PYHIN1: variants seen among roughly 807,000 people sequenced by gnomAD.
PYHIN1 encodes the protein pyrin and HIN domain family member 1.
PYHIN1 carries 32 observed loss-of-function variants against 43.7 expected under a neutral mutation model. The observed-to-expected ratio is 0.73, with a 90% CI of 0.55 to 0.98. The LOEUF (loss-of-function observed/expected upper bound fraction) is 0.98, where lower values mean the gene tolerates loss of function less well. Among genes scored for constraint, PYHIN1 ranks in the 50% least tolerant of loss-of-function variants. The pLI, the probability that PYHIN1 is intolerant of heterozygous loss-of-function variation, is 0.00. For synonymous variants in PYHIN1, 205 were observed against 203.1 expected, an observed-to-expected ratio of 1.01 and a Z score of -0.08; for missense variants, 588 against 589.5, an observed-to-expected ratio of 1.00 and a Z score of 0.03.
chr1:158,947,449 G>T (rs563858126), intron 7 of PYHIN1, among the ~76,000 whole-genome samples: 25 of 152,294 alleles, frequency 1.6e-4, no homozygotes, highest in Non-Finnish European at 3.5e-4. Context: ...CAAATCAGAA[G>T]CTTTGACAAA....
intron 2 of PYHIN1, 96 bp from the exon 3 acceptor site, chr1:158,938,301 C>A: frequency 7.5e-7 from 1 of 1,340,516 alleles, no homozygotes; most frequent in South Asian, 1.3e-5. Flanking sequence ...CACCTGAACC[C>A]TCAAGCAGGA....
In PYHIN1 at chr1:158,933,391, A is replaced by G. The variant is rs921760048; in HGVS notation, c.-21+1615A>G. 6.6e-6 allele frequency among the ~76,000 whole-genome samples: 1 copy of G among 151,822 alleles called. No individual in the cohort carries two copies. The highest frequency in any genetic ancestry group is 1.5e-5 in the Non-Finnish European group (1 of 67,852). On this transcript the variant is annotated intron_variant, in intron 1 of 8. Coordinates refer to ENST00000368140, the MANE Select transcript of PYHIN1 (RefSeq NM_152501.5). This position sits in a 1 kb window ranked among gnomAD's most constrained non-coding sequence, Gnocchi z 6.3. ...ATAATTTAAATTATTGTATCTTCCCAGGAATTCAACCTTTTACCATGTGGT... is the reference window on the plus strand; with the variant it reads ...ATAATTTAAATTATTGTATCTTCCCGGGAATTCAACCTTTTACCATGTGGT...
At chr1:158,968,509 G>A (rs1338831773) in intron 7 of PYHIN1, among the ~76,000 whole-genome samples, 1 of 152,002 alleles carries the variant, frequency 6.6e-6, no homozygotes, top group Non-Finnish European at 1.5e-5. Context: ...GTGTTAATTA[G>A]TTCAGCCATT....
At chr1:158,957,057 G>T (rs1262908777) in intron 7 of PYHIN1, among the ~76,000 whole-genome samples, 1 of 147,756 alleles carries the variant, frequency 6.8e-6, no homozygotes, top group African/African-American at 2.5e-5. Flanking sequence ...GGGATGTGAA[G>T]GACCTCTTCA....
At chr1:158,954,677 G>A (rs1405272386) in intron 7 of PYHIN1, among the ~76,000 whole-genome samples, 1 of 147,774 alleles carries the variant, frequency 6.8e-6, no homozygotes, top group African/African-American at 2.5e-5. Flanking sequence ...TCGAGACTAG[G>A]AAGAAACTGC....
intron 1 of PYHIN1, 120 bp downstream of exon 1, chr1:158,931,896 G>A (rs933515991): frequency 1.3e-5 from 2 of 152,132 alleles, no homozygotes; most frequent in East Asian, 1.9e-4. Flanking sequence ...AGTAGGGCTG[G>A]TATCAACTAT....
intron 7 of PYHIN1, among the ~76,000 whole-genome samples, chr1:158,951,729 A>G (rs1321055298): frequency 6.6e-6 from 1 of 151,964 alleles, no homozygotes; most frequent in Non-Finnish European, 1.5e-5. Flanking sequence ...AGTATCATCC[A>G]TAAAATGAAT....
At chr1:158,985,599 T>A in the PYHIN1 span, among the ~76,000 whole-genome samples, 1 of 152,216 alleles carries the variant, frequency 6.6e-6, no homozygotes, top group African/African-American at 2.4e-5. Flanking sequence ...TTATTTACCT[T>A]GATCTTGGAG....
chr1:158,975,064 CT>C (rs1234190745), intron 8 of PYHIN1, among the ~76,000 whole-genome samples: 8 of 151,920 alleles, frequency 5.3e-5, no homozygotes, highest in Non-Finnish European at 1.2e-4. Context: ...GCCCAGGAAT[CT>C]CAGCTAGGGT....
the PYHIN1 span, among the ~76,000 whole-genome samples, chr1:158,987,182 A>C: frequency 6.6e-6 from 1 of 152,230 alleles, no homozygotes; most frequent in South Asian, 2.1e-4. Context: ...TGCCACAAGC[A>C]GTGTAGAAAA....
At chr1:158,974,461 G>T (rs1022372542) in intron 8 of PYHIN1, among the ~76,000 whole-genome samples, 1 of 152,042 alleles carries the variant, frequency 6.6e-6, no homozygotes, top group African/African-American at 2.4e-5. Context: ...GTGAACTAAT[G>T]AATTTATATC....
chr1:158,975,304 C>A (rs1395646631), intron 8 of PYHIN1, among the ~76,000 whole-genome samples: 1 of 151,878 alleles, frequency 6.6e-6, no homozygotes, highest in Non-Finnish European at 1.5e-5. Flanking sequence ...AAAAGCAGAC[C>A]ATTCTTATTT....
At chr1:158,955,967 A>C (rs1649895389) in intron 7 of PYHIN1, among the ~76,000 whole-genome samples, 1 of 137,808 alleles carries the variant, frequency 7.3e-6, no homozygotes, top group Non-Finnish European at 1.6e-5. Flanking sequence ...AGAGAATACT[A>C]CAAACACCTC....
rs1651282890 is a variant in PYHIN1, at chr1:158,976,722, A to T, written c.*27A>T. 1 of 1,603,322 alleles carries T rather than the reference A, an allele frequency of 6.2e-7. No individual in the cohort carries two copies. The highest frequency in any genetic ancestry group is 8.5e-7 in the Non-Finnish European group (1 of 1,174,314). On this transcript the variant is annotated 3_prime_UTR_variant, in exon 9 of 9. Transcript: ENST00000368140. Reference sequence around the variant, plus strand: ...CAAGGTCACCAAGGACAAGGATATCAAATAACTACTGTTCAATCTTTACTC... The same window carrying T: ...CAAGGTCACCAAGGACAAGGATATCTAATAACTACTGTTCAATCTTTACTC...
chr1:158,937,217 C>T, intron 2 of PYHIN1, 42 bp downstream of exon 2: 1 of 1,521,902 alleles, frequency 6.6e-7, no homozygotes. Context: ...CAATGATCCC[C>T]ACCCTTCCCA....
chr1:158,979,184 A>G (rs1397796079), downstream of PYHIN1, among the ~76,000 whole-genome samples: 2 of 152,182 alleles, frequency 1.3e-5, no homozygotes. Flanking sequence ...ACCACTTAAC[A>G]AATTTCAAGT....
At chr1:158,986,534 GC>G in the PYHIN1 span, among the ~76,000 whole-genome samples, 1 of 152,142 alleles carries the variant, frequency 6.6e-6, no homozygotes, top group South Asian at 2.1e-4. Flanking sequence ...GGACATGCTG[GC>G]AAAAATGCTT....
intron 7 of PYHIN1, among the ~76,000 whole-genome samples, chr1:158,945,954 A>G (rs1424716140): frequency 6.6e-6 from 1 of 152,216 alleles, no homozygotes; most frequent in Admixed American, 6.5e-5. Context: ...AGTCTTCCTC[A>G]AGTTCTCAAA....
At chr1:158,942,502 T>G in intron 5 of PYHIN1, 103 bp downstream of exon 5, 1 of 893,656 alleles carries the variant, frequency 1.1e-6, no homozygotes, top group African/African-American at 1.7e-5. Flanking sequence ...ACATTAAAAC[T>G]CAGGACTCTC....
Sources: gnomAD v4.1 joint callset for allele counts (sites outside exome capture counted in the v4.1 genomes callset) on GRCh38, gnomAD v4.1.1 for gene constraint, Gnocchi (gnomAD v3.1) non-coding constraint, MANE v1.5 for transcripts, NCBI Gene and HGNC (gene_info 2026-07-23, HGNC 2026-07-21) for gene names.